Variants in REDIC1 observed in about 807,000 individuals in gnomAD.
The protein encoded by REDIC1 is regulator of DNA class I crossover intermediates 1, also known as HEI10 Interacting Protein 1.
chr12:39,680,273 TCAGTAA>T, the REDIC1 span, among the ~76,000 whole-genome samples: 1 of 151,670 alleles, frequency 6.6e-6, no homozygotes, highest in Non-Finnish European at 1.5e-5. Context: ...GGAACTCAAA[TCAGTAA>T]GAAAAAAACA....
the REDIC1 span, among the ~76,000 whole-genome samples, chr12:39,654,655 T>G: frequency 6.6e-6 from 1 of 152,190 alleles, no homozygotes; most frequent in Non-Finnish European, 1.5e-5. Flanking sequence ...TGCTAATATT[T>G]TATTGATGGT....
chr12:39,798,830 A>G, the REDIC1 span, among the ~76,000 whole-genome samples: 1 of 152,190 alleles, frequency 6.6e-6, no homozygotes, highest in East Asian at 1.9e-4. Flanking sequence ...TATTAATTAT[A>G]ATGATGTATA....
the REDIC1 span, among the ~76,000 whole-genome samples, chr12:39,891,479 G>C: frequency 6.6e-6 from 1 of 152,030 alleles, no homozygotes; most frequent in Non-Finnish European, 1.5e-5. Context: ...TTTATCTTAA[G>C]AAAGCATATG....
At chr12:39,896,654 C>T in the REDIC1 span, among the ~76,000 whole-genome samples, 2 of 151,640 alleles carry the variant, frequency 1.3e-5, no homozygotes, top group Non-Finnish European at 2.9e-5. Context: ...GAAAACAACA[C>T]TGCTCAATGA....
chr12:39,863,595 T>C, the REDIC1 span, among the ~76,000 whole-genome samples: 1 of 152,190 alleles, frequency 6.6e-6, no homozygotes, highest in African/African-American at 2.4e-5. Context: ...AGAATATGCA[T>C]TTCTAGCAAT....
At chr12:39,683,357 A>C in the REDIC1 span, 1 of 1,326,262 alleles carries the variant, frequency 7.5e-7, no homozygotes, top group South Asian at 1.2e-5. Context: ...CTTTGAATTA[A>C]AAAATGAAAA....
chr12:39,643,893 A>G, the REDIC1 span: 1 of 1,556,554 alleles, frequency 6.4e-7, no homozygotes, highest in East Asian at 2.3e-5. Context: ...GGTAAATCAG[A>G]TATCTTGCAA....
At chr12:39,629,736 G>A in the REDIC1 span, among the ~76,000 whole-genome samples, 1 of 152,116 alleles carries the variant, frequency 6.6e-6, no homozygotes, top group Non-Finnish European at 1.5e-5. Context: ...TCAAACCAGG[G>A]TCTCACTGAG....
At chr12:39,864,991 GAA>G in the REDIC1 span, 24 of 991,366 alleles carry the variant, frequency 2.4e-5, no homozygotes, top group Non-Finnish European at 3.3e-5. Flanking sequence ...AAAAACTCCT[GAA>G]AAAAAAATAC....
the REDIC1 span, among the ~76,000 whole-genome samples, chr12:39,686,317 C>T: frequency 6.6e-6 from 1 of 152,190 alleles, no homozygotes; most frequent in African/African-American, 2.4e-5. Flanking sequence ...TTGCATACAT[C>T]CTTTGAAATC....
At chr12:39,889,986 T>G in the REDIC1 span, among the ~76,000 whole-genome samples, 2 of 152,190 alleles carry the variant, frequency 1.3e-5, no homozygotes, top group Admixed American at 6.6e-5. Context: ...TATTTTACAC[T>G]TCTACATAGT....
At chr12:39,761,903 G>A in the REDIC1 span, among the ~76,000 whole-genome samples, 5 of 152,036 alleles carry the variant, frequency 3.3e-5, no homozygotes, top group Non-Finnish European at 7.4e-5. Context: ...TTTGGGAACA[G>A]TAGCATAATT....
At chr12:39,670,995 T>C in the REDIC1 span, among the ~76,000 whole-genome samples, 2 of 152,200 alleles carry the variant, frequency 1.3e-5, no homozygotes, top group African/African-American at 4.8e-5. Context: ...CTGAGCTTCT[T>C]TTATATCATG....
the REDIC1 span, among the ~76,000 whole-genome samples, chr12:39,711,532 TATACATATATGTATGTGCATACAC>T: frequency 1.0e-3 from 127 of 125,916 alleles, no homozygotes; most frequent in South Asian, 0.028. Context: ...TATATGTGTA[TATACATATATGTATGTGCATACAC>T]ATGCATGTGT....
At chr12:39,766,433 C>T in the REDIC1 span, among the ~76,000 whole-genome samples, 2 of 152,052 alleles carry the variant, frequency 1.3e-5, no homozygotes, top group African/African-American at 4.8e-5. Flanking sequence ...CGATCATCTG[C>T]ACCTTTCACA....
chr12:39,650,474 T>A, the REDIC1 span: 7 of 1,323,994 alleles, frequency 5.3e-6, no homozygotes, highest in Non-Finnish European at 4.9e-6. The surrounding 1 kb of genome is among the most constrained non-coding windows in gnomAD (Gnocchi z 4.3). Context: ...TAAGTAATAC[T>A]TCTAGAAAAA....
the REDIC1 span, among the ~76,000 whole-genome samples, chr12:39,788,906 G>C: frequency 6.6e-6 from 1 of 152,102 alleles, no homozygotes; most frequent in African/African-American, 2.4e-5. Context: ...ATTTTGGTAT[G>C]CCTCCTTAGA....
At chr12:39,828,605 T>C in the REDIC1 span, among the ~76,000 whole-genome samples, 1 of 152,104 alleles carries the variant, frequency 6.6e-6, no homozygotes, top group East Asian at 1.9e-4. Context: ...CTTAGTAGAG[T>C]TCTAATAAGT....
chr12:39,831,958 C>T, the REDIC1 span, among the ~76,000 whole-genome samples: 1 of 152,054 alleles, frequency 6.6e-6, no homozygotes, highest in Non-Finnish European at 1.5e-5. Flanking sequence ...TTTATAACAA[C>T]AAAAACAGAC....
Sources: gnomAD v4.1 joint callset for allele counts (sites outside exome capture counted in the v4.1 genomes callset) on GRCh38, gnomAD v4.1.1 for gene constraint, Gnocchi (gnomAD v3.1) non-coding constraint, MANE v1.5 for transcripts, NCBI Gene and HGNC (gene_info 2026-07-23, HGNC 2026-07-21) for gene names.